The following CDH15 variants were observed in gnomAD, a reference collection of about 807,000 sequenced individuals.
CDH15 encodes cadherin 15, also known as cadherin-15.
In CDH15, 73 loss-of-function variants were observed where a neutral mutation model predicts 69.4. The observed-to-expected ratio is 1.05, with a 90% CI of 0.87 to 1.28. The LOEUF is 1.28. Ranked by LOEUF, CDH15 falls within the 50% of genes most tolerant of loss-of-function variation. CDH15 has a pLI of 0.00. For missense variants in CDH15, 1,343 were observed against 1,133.6 expected (o/e 1.18, Z -2.65); for synonymous variants, 624 against 507.7 (o/e 1.23, Z -3.08).
Position 89,193,737 on chromosome 16 carries a change from C to A in CDH15, c.1993-18C>A. 2 of 1,599,806 alleles carry A rather than the reference C, an allele frequency of 1.3e-6. No individual in the cohort carries two copies. Among genetic ancestry groups the A allele is most frequent in the East Asian group, 4.5e-5 (2 of 44,410 alleles). ...CACCCGAGGGATGCCTGGCTCTGTT[C>A]CACCTCCTCGCCCACAGGACGCCTA... On this transcript the variant is annotated intron_variant, in intron 12 of 13. Transcript: ENST00000289746.
At chr16:89,187,292 C>A in intron 5 of CDH15, 137 bp from the exon 6 acceptor site, 1 of 944,936 alleles carries the variant, frequency 1.1e-6, no homozygotes, top group Non-Finnish European at 1.6e-6. Flanking sequence ...ATTCTCAGGG[C>A]CACTTGGGGT....
rs1386862366 is a variant in CDH15 at position 89,195,480 on chromosome 16, T to G, written c.*325T>G. ...TAAATCTGAATGAAAAACGTGCTAG[T>G]CTCTTTCATGCAGGACGGGCGCCCA... On this transcript the variant is annotated 3_prime_UTR_variant, in exon 14 of 14. Transcript: ENST00000289746. The G allele has an allele frequency of 5.1e-6, 2 of 391,080 alleles. No individual in the cohort carries two copies. Among genetic ancestry groups the G allele is most frequent in the African/African-American group, 4.0e-5 (2 of 49,694 alleles). The allele number at this position is 391,080 out of a possible 1,614,324, so 24.2% of individuals were successfully genotyped here.
In CDH15 at chr16:89,192,471, G is replaced by A. The variant is rs1305052600; in HGVS notation, c.1855+27G>A. On this transcript the variant is annotated intron_variant, in intron 11 of 13. Transcript: ENST00000289746. Reference sequence around the variant, plus strand: ...TGAGTGAGCGCCCCGCCTCCACCTGGACCCTCGGACCCTCGGACCCTCCTC... The same window carrying A: ...TGAGTGAGCGCCCCGCCTCCACCTGAACCCTCGGACCCTCGGACCCTCCTC... 5 of 1,555,154 alleles carry A rather than the reference G, an allele frequency of 3.2e-6. No homozygotes were observed. The African/African-American group carries it at 5.4e-5, about 17-fold the overall frequency.
At chr16:89,177,258 C>T (rs1034372981) in intron 1 of CDH15, among the ~76,000 whole-genome samples, 6 of 152,158 alleles carry the variant, frequency 3.9e-5, no homozygotes, top group African/African-American at 1.4e-4. Context: ...GGTACCCTCG[C>T]CAAGGCTGAT....
Position 89,191,810 on chromosome 16 carries a change from C to T in CDH15, c.1531C>T (p.Pro511Ser), listed in dbSNP as rs1419856684. 2 of 1,604,594 alleles carry T rather than the reference C, an allele frequency of 1.2e-6. No homozygotes were observed. Among genetic ancestry groups the T allele is most frequent in the Non-Finnish European group, 8.5e-7 (1 of 1,179,036 alleles). Residue 511 changes from proline (P) to serine (S), a missense_variant, in exon 10 of 14, where the codon CCC (proline) becomes TCC (serine). By Grantham distance (74) the Pro-to-Ser change is moderately conservative. Transcript: ENST00000289746. ...LLLGATDEDL[P>S]PHGAPFHFQL... ...CCTGGGCGCCACGGATGAGGACCTG[C>T]CCCCCCACGGGGCCCCCTTCCACTT... is the stretch of plus-strand genomic sequence containing the variant.
At chr16:89,184,321 C>T (rs764578868) in intron 4 of CDH15, among the ~76,000 whole-genome samples, 13 of 152,208 alleles carry the variant, frequency 8.5e-5, no homozygotes, top group Non-Finnish European at 1.6e-4. Flanking sequence ...GGGGAAGTCA[C>T]AGCCAGCCAG....
chr16:89,185,029 C>T (rs1369347289), intron 4 of CDH15, 144 bp from the exon 5 acceptor site: 6 of 754,464 alleles, frequency 8.0e-6, no homozygotes, highest in Admixed American at 4.6e-5. Context: ...ACGCAAACAG[C>T]AGCATGGACT....
intron 7 of CDH15, among the ~76,000 whole-genome samples, chr16:89,189,267 CCACACACAGATGCCGG>C (rs1251846157): frequency 3.4e-5 from 5 of 146,534 alleles, no homozygotes; most frequent in Admixed American, 6.9e-5. Flanking sequence ...ACACACATGC[CCACACACAGATGCCGG>C]CACACACAGA....
intron 1 of CDH15, among the ~76,000 whole-genome samples, chr16:89,174,540 T>C (rs1915219267): frequency 6.6e-6 from 1 of 152,180 alleles, no homozygotes. Flanking sequence ...GCCCAGTGTG[T>C]GCAGAGCTTT....
At chr16:89,180,000 A>G (rs1391014141) in intron 2 of CDH15, among the ~76,000 whole-genome samples, 200 bp from the exon 3 acceptor site, 2 of 152,186 alleles carry the variant, frequency 1.3e-5, no homozygotes, top group African/African-American at 4.8e-5. Flanking sequence ...ATGAGGCTGC[A>G]AGACGGGGCA....
intron 3 of CDH15, chr16:89,182,738 G>A (rs1454620080): frequency 6.6e-6 from 1 of 152,146 alleles, no homozygotes; most frequent in African/African-American, 2.4e-5. Flanking sequence ...CCTTTTATTT[G>A]CCCCAAATCC....
chr16:89,171,955 C>A, intron 1 of CDH15, 82 bp downstream of exon 1: 1 of 1,407,502 alleles, frequency 7.1e-7, no homozygotes, highest in Non-Finnish European at 9.7e-7. Context: ...CCGCACAGGT[C>A]TCCCCCAGAA....
intron 1 of CDH15, among the ~76,000 whole-genome samples, chr16:89,173,010 G>C (rs1484678850): frequency 1.3e-5 from 2 of 152,228 alleles, no homozygotes; most frequent in East Asian, 3.9e-4. Context: ...CCCAGCTCCA[G>C]CTGGCTCCAA....
chr16:89,188,265 G>A lies in CDH15; in HGVS notation c.958G>A (p.Gly320Ser). 6.2e-7 allele frequency: 1 copy of A among 1,613,414 alleles called. No homozygotes were observed. ...CCGCACGGACCCCAAGACCAACGAG[G>A]GTGTTCTGTCCATTGTGAAGGTGAG... ...TIRTDPKTNE[G>S]VLSIVKALDY... Residue 320 changes from glycine to serine, a missense_variant, in exon 7 of 14, where the codon GGT becomes AGT. Coordinates refer to ENST00000289746, the MANE Select transcript of CDH15 (RefSeq NM_004933.3).
At chr16:89,189,363 A>ACACAGATGCCGGCACC in intron 7 of CDH15, among the ~76,000 whole-genome samples, 1 of 151,604 alleles carries the variant, frequency 6.6e-6, no homozygotes, top group Non-Finnish European at 1.5e-5. Flanking sequence ...ATGCCGGCAC[A>ACACAGATGCCGGCACC]CACAGATGCT....
At chr16:89,179,319 GCCCC>G in intron 1 of CDH15, 93 bp from the exon 2 acceptor site, 1 of 1,402,594 alleles carries the variant, frequency 7.1e-7, no homozygotes, top group Non-Finnish European at 1.0e-6. Context: ...GAAACACTGC[GCCCC>G]GTGGCCTCCT....
chr16:89,193,418 C>G, intron 11 of CDH15, 52 bp from the exon 12 acceptor site: 2 of 1,536,172 alleles, frequency 1.3e-6, no homozygotes, highest in Non-Finnish European at 1.8e-6. Context: ...AGCCCGGCCC[C>G]CTGAAGTCGC....
At chr16:89,188,004 A>C in intron 6 of CDH15, 96 bp from the exon 7 acceptor site, 1 of 879,414 alleles carries the variant, frequency 1.1e-6, no homozygotes, top group Non-Finnish European at 1.5e-6. Flanking sequence ...GGCAGGAGGG[A>C]GGGTGGGAGG....
intron 5 of CDH15, chr16:89,185,789 G>A (rs182840656): frequency 3.1e-5 from 8 of 259,562 alleles, no homozygotes; most frequent in African/African-American, 8.9e-5. Flanking sequence ...CACTAACCAC[G>A]GTTCCCCAGG....
Sources: allele counts gnomAD v4.1 joint callset (sites outside exome capture counted in the v4.1 genomes callset), GRCh38; gene constraint gnomAD v4.1.1; transcripts MANE v1.5; gene names NCBI Gene and HGNC (gene_info 2026-07-23, HGNC 2026-07-21).